The following BRF1 variants were observed in gnomAD, a reference collection of about 807,000 sequenced individuals.
BRF1 encodes the protein BRF1 general transcription factor IIIB subunit, also known as transcription factor IIIB 90 kDa subunit.
A neutral mutation model predicts 81.7 loss-of-function variants in BRF1; 59 were observed. The ratio of observed to expected loss-of-function variants is 0.72; its 90% CI spans 0.59 to 0.90. The LOEUF (loss-of-function observed/expected upper bound fraction) is 0.90. BRF1 is among the 40% of genes least tolerant of loss of function. The pLI, the probability that BRF1 is intolerant of heterozygous loss-of-function variation, is 0.00. For synonymous variants in BRF1, 491 were observed against 395.6 expected, an observed-to-expected ratio of 1.24 and a Z score of -2.86; for missense variants, 1,050 against 936.3, an observed-to-expected ratio of 1.12 and a Z score of -1.58.
intron 3 of BRF1, among the ~76,000 whole-genome samples, chr14:105,266,798 C>G (rs2056437731): frequency 1.3e-5 from 2 of 152,070 alleles, no homozygotes; most frequent in African/African-American, 4.8e-5. Flanking sequence ...AATCCCAGCA[C>G]TTTGGGAGAC....
upstream of BRF1, among the ~76,000 whole-genome samples, chr14:105,305,613 C>A (rs2058164128): frequency 6.6e-6 from 1 of 152,152 alleles, no homozygotes; most frequent in African/African-American, 2.4e-5. Context: ...TGTGAACCAA[C>A]TGAGGCAGGG....
chr14:105,299,564 G>A (rs1438998302), intron 1 of BRF1, among the ~76,000 whole-genome samples: 1 of 152,150 alleles, frequency 6.6e-6, no homozygotes, highest in East Asian at 1.9e-4. Flanking sequence ...CACAGAGTGA[G>A]ATCCTGTCTC....
intron 3 of BRF1, among the ~76,000 whole-genome samples, chr14:105,258,013 C>A (rs2055967458): frequency 6.6e-6 from 1 of 152,184 alleles, no homozygotes; most frequent in Admixed American, 6.5e-5. Flanking sequence ...CAAGAGTGAA[C>A]CTCAATGTGA....
intron 16 of BRF1, 126 bp from the exon 17 acceptor site, chr14:105,211,419 G>A (rs1274141827): frequency 1.4e-5 from 13 of 915,180 alleles, no homozygotes; most frequent in Non-Finnish European, 1.9e-5. Context: ...GGCTCCCGGG[G>A]TTGGCCAGGG....
chr14:105,312,354 C>T (rs368920208), intron 1 of BRF1, among the ~76,000 whole-genome samples: 102 of 152,356 alleles, frequency 6.7e-4, no homozygotes, highest in African/African-American at 2.4e-3. Flanking sequence ...ACTCCCACAA[C>T]CTCCGGGGAC....
intron 5 of BRF1, chr14:105,241,718 C>T (rs2054665811): frequency 1.1e-5 from 5 of 448,538 alleles, no homozygotes; most frequent in South Asian, 2.3e-5. Flanking sequence ...CACCCAGCAG[C>T]CTTCCCTCCA....
chr14:105,214,359 C>G (rs1462069718), intron 15 of BRF1, among the ~76,000 whole-genome samples: 1 of 152,008 alleles, frequency 6.6e-6, no homozygotes, highest in Admixed American at 6.6e-5. Context: ...CCCGAGTGAC[C>G]ACAGAGTGAG....
chr14:105,246,957 A>G, intron 5 of BRF1: 1 of 985,344 alleles, frequency 1.0e-6, no homozygotes, highest in Non-Finnish European at 1.2e-6. Context: ...TTCTCACTGC[A>G]TTCCCCAAAT....
intron 1 of BRF1, among the ~76,000 whole-genome samples, chr14:105,311,611 T>G (rs963468482): frequency 6.6e-6 from 1 of 152,076 alleles, no homozygotes; most frequent in Non-Finnish European, 1.5e-5. Context: ...TTCTATCAGG[T>G]TCTATCATGG....
chr14:105,307,037 ATTTTTTCT>A (rs1345149158), intron 1 of BRF1, among the ~76,000 whole-genome samples: 18 of 149,898 alleles, frequency 1.2e-4, no homozygotes, highest in Admixed American at 7.3e-4. Context: ...TATTTACTTT[ATTTTTTCT>A]TTTTTTCTTT....
chr14:105,227,792 T>C (rs2054101763), intron 7 of BRF1: 1 of 152,286 alleles, frequency 6.6e-6, no homozygotes, highest in Non-Finnish European at 1.5e-5. Flanking sequence ...TCAAAGATTT[T>C]TTTTACAGAA....
intron 3 of BRF1, among the ~76,000 whole-genome samples, chr14:105,264,510 A>T (rs893711442): frequency 6.6e-6 from 1 of 151,398 alleles, no homozygotes; most frequent in Admixed American, 6.6e-5. Context: ...TAAAAATACA[A>T]AAAAAAATTA....
upstream of BRF1, among the ~76,000 whole-genome samples, chr14:105,302,827 C>T (rs759206952): frequency 6.6e-6 from 1 of 152,064 alleles, no homozygotes; most frequent in Non-Finnish European, 1.5e-5. Context: ...GTGAGCCACC[C>T]GCCTTGTCTT....
chr14:105,229,719 T>G (rs587674528), intron 6 of BRF1, among the ~76,000 whole-genome samples: 18 of 86,602 alleles, frequency 2.1e-4, no homozygotes, highest in African/African-American at 8.0e-4. Flanking sequence ...GCCACACCAC[T>G]GTCCGCGTAG....
At chr14:105,222,408 G>C (rs1175897845) in intron 10 of BRF1, 2 of 154,664 alleles carry the variant, frequency 1.3e-5, no homozygotes, top group African/African-American at 4.8e-5. Context: ...AATGGAAAAA[G>C]ATCTGAACAC....
At chr14:105,299,952 AGCTCCTTCCACAGGCTGG>A (rs1272457667) in intron 1 of BRF1, among the ~76,000 whole-genome samples, 1 of 152,238 alleles carries the variant, frequency 6.6e-6, no homozygotes, top group African/African-American at 2.4e-5. Flanking sequence ...GCCACAGTCC[AGCTCCTTCCACAGGCTGG>A]GGTCCATCCC....
At chr14:105,302,877 C>T (rs2058081172), upstream of BRF1, among the ~76,000 whole-genome samples, 1 of 152,126 alleles carries the variant, frequency 6.6e-6, no homozygotes, top group South Asian at 2.1e-4. Context: ...CACTGCTCCC[C>T]GCCCTGTCCT....
At chr14:105,279,848 C>A (rs2056995677) in intron 2 of BRF1, among the ~76,000 whole-genome samples, 1 of 152,200 alleles carries the variant, frequency 6.6e-6, no homozygotes, top group Non-Finnish European at 1.5e-5. Flanking sequence ...TCTATTCATC[C>A]CATGAAATAC....
At chr14:105,275,807 G>A (rs1046555913) in intron 2 of BRF1, among the ~76,000 whole-genome samples, 1 of 152,272 alleles carries the variant, frequency 6.6e-6, no homozygotes, top group South Asian at 2.1e-4. Context: ...GCCTTTGCGG[G>A]AGACTAGGTC....
Sources: allele counts gnomAD v4.1 joint callset (sites outside exome capture counted in the v4.1 genomes callset), GRCh38; gene constraint gnomAD v4.1.1; transcripts MANE v1.5; gene names NCBI Gene and HGNC (gene_info 2026-07-23, HGNC 2026-07-21).